Variants in TMEM117 observed in about 807,000 individuals in gnomAD.
TMEM117 encodes the protein transmembrane protein 117.
TMEM117 carries 27 observed loss-of-function variants against 52.4 expected under a neutral mutation model. The observed-to-expected ratio is 0.51, with a 90% CI of 0.38 to 0.71. TMEM117 has a LOEUF of 0.71. TMEM117 is among the 30% of genes least tolerant of loss of function. The pLI, the probability that TMEM117 is intolerant of heterozygous loss-of-function variation, is 0.00. For missense variants in TMEM117, 556 were observed against 630.5 expected (o/e 0.88, Z 1.26); for synonymous variants, 215 against 206.3 (o/e 1.04, Z -0.36).
chr12:44,302,118 C>T (rs1341295398), intron 6 of TMEM117, among the ~76,000 whole-genome samples: 4 of 152,194 alleles, frequency 2.6e-5, no homozygotes, highest in Non-Finnish European at 5.9e-5. Context: ...CTTGACTCCC[C>T]TCTATACTAT....
chr12:43,806,213 G>C, the TMEM117 span: 1 of 1,540,190 alleles, frequency 6.5e-7, no homozygotes, highest in African/African-American at 1.4e-5. Flanking sequence ...CGCGCCGGGC[G>C]CTGTTACCTT....
the TMEM117 span, among the ~76,000 whole-genome samples, chr12:43,830,688 T>C: frequency 6.6e-6 from 1 of 151,272 alleles, no homozygotes; most frequent in Non-Finnish European, 1.5e-5. Flanking sequence ...CAAGGCTAGG[T>C]GAACCAGTTC....
chr12:44,330,013 T>G (rs971179781), intron 6 of TMEM117, among the ~76,000 whole-genome samples: 1 of 151,390 alleles, frequency 6.6e-6, no homozygotes, highest in Non-Finnish European at 1.5e-5. Context: ...CTTTCAGGGG[T>G]TTTTTTGGAA....
At chr12:44,073,050 A>G (rs573278345) in intron 3 of TMEM117, among the ~76,000 whole-genome samples, 4 of 152,058 alleles carry the variant, frequency 2.6e-5, no homozygotes, top group Middle Eastern at 3.4e-3. Context: ...AGGTCGTACT[A>G]CTGCACTCCA....
intron 3 of TMEM117, among the ~76,000 whole-genome samples, chr12:44,086,032 G>T (rs559722840): frequency 1.3e-5 from 2 of 152,036 alleles, no homozygotes; most frequent in East Asian, 3.9e-4. Context: ...CTTTACCAAG[G>T]TTTCTTGCTA....
At chr12:43,937,906 A>G (rs764412018) in intron 2 of TMEM117, among the ~76,000 whole-genome samples, 24 of 152,180 alleles carry the variant, frequency 1.6e-4, no homozygotes, top group Non-Finnish European at 3.4e-4. Flanking sequence ...TTTGGGTCTC[A>G]GTGTTATAGA....
chr12:44,371,643 C>T (rs1301597413), intron 6 of TMEM117, among the ~76,000 whole-genome samples: 1 of 152,100 alleles, frequency 6.6e-6, no homozygotes, highest in African/African-American at 2.4e-5. Flanking sequence ...AATTGAATGC[C>T]AGTCAGGGAA....
rs748259406 is a variant in TMEM117 at position 43,983,547 on chromosome 12, CGTGTGTGTGTGTGTGTGT to C, written c.410+39234_410+39251del. The stretch of plus-strand genomic sequence containing the variant: ...AAACTGCAATTACTTTTGCACCAAC[CGTGTGTGTGTGTGTGTGT>C]GTGTGTGTGTGTGTGTGTGTGTGTG... On this transcript the variant is annotated intron_variant, in intron 3 of 7. Coordinates refer to ENST00000266534, the MANE Select transcript of TMEM117 (RefSeq NM_032256.3). Among the ~76,000 whole-genome samples, 25 of 110,728 alleles carry C rather than the reference CGTGTGTGTGTGTGTGTGT, an allele frequency of 2.3e-4. 1 individual carries two copies. The highest frequency in any genetic ancestry group is 4.5e-4 in the South Asian group (1 of 2,198). 72.6% of individuals were successfully genotyped at this position (110,728 alleles called of 152,430 possible). A position where few individuals can be genotyped will look rare whatever the true frequency, so the allele number is the denominator to read the frequency against.
chr12:43,956,831 C>T (rs895563681), intron 3 of TMEM117, among the ~76,000 whole-genome samples: 5 of 152,124 alleles, frequency 3.3e-5, no homozygotes, highest in African/African-American at 1.2e-4. Flanking sequence ...ATAAATCATT[C>T]TATTATAAAG....
chr12:44,017,690 C>T (rs538548520), intron 3 of TMEM117, among the ~76,000 whole-genome samples: 1 of 152,242 alleles, frequency 6.6e-6, no homozygotes, highest in Non-Finnish European at 1.5e-5. Flanking sequence ...GGATATTAGA[C>T]ACTATGTTAC....
chr12:43,819,464 C>A, the TMEM117 span, among the ~76,000 whole-genome samples: 2 of 152,024 alleles, frequency 1.3e-5, no homozygotes, highest in African/African-American at 2.4e-5. Flanking sequence ...TTATAGTACC[C>A]ATGACTGGGT....
At chr12:43,797,011 C>A in the TMEM117 span, 1 of 1,611,384 alleles carries the variant, frequency 6.2e-7, no homozygotes, top group Non-Finnish European at 8.5e-7. Flanking sequence ...TGTCTTTCTA[C>A]AATTTCTAGC....
chr12:44,033,732 T>G (rs972865767), intron 3 of TMEM117, among the ~76,000 whole-genome samples: 2 of 152,232 alleles, frequency 1.3e-5, no homozygotes, highest in African/African-American at 4.8e-5. Context: ...AAGCACATTT[T>G]GACATCATCT....
intron 5 of TMEM117, among the ~76,000 whole-genome samples, chr12:44,214,501 A>G (rs1949690913): frequency 6.6e-6 from 1 of 152,078 alleles, no homozygotes; most frequent in African/African-American, 2.4e-5. Flanking sequence ...ATGTGATAAC[A>G]TAGCCCAGTG....
At chr12:44,212,871 A>G (rs1949665501) in intron 5 of TMEM117, among the ~76,000 whole-genome samples, 1 of 152,064 alleles carries the variant, frequency 6.6e-6, no homozygotes, top group Non-Finnish European at 1.5e-5. Context: ...ACTCTATGTT[A>G]TCTTTTGTGC....
intron 3 of TMEM117, among the ~76,000 whole-genome samples, chr12:44,120,165 G>A (rs1948210003): frequency 6.6e-6 from 1 of 151,920 alleles, no homozygotes; most frequent in Admixed American, 6.6e-5. Context: ...GGAAATGACA[G>A]AAGAAAGGGG....
At chr12:44,397,844 A>G in the TMEM117 span, among the ~76,000 whole-genome samples, 1 of 152,144 alleles carries the variant, frequency 6.6e-6, no homozygotes, top group Non-Finnish European at 1.5e-5. Flanking sequence ...ATAAGTATCC[A>G]TCCAAGCCAG....
chr12:44,024,105 A>C (rs541381113), intron 3 of TMEM117, among the ~76,000 whole-genome samples: 1 of 152,182 alleles, frequency 6.6e-6, no homozygotes, highest in Non-Finnish European at 1.5e-5. Flanking sequence ...AGAAAAGACA[A>C]TGAACTGTAG....
chr12:43,895,744 C>T (rs191941632), intron 2 of TMEM117, among the ~76,000 whole-genome samples: 9 of 152,276 alleles, frequency 5.9e-5, no homozygotes, highest in African/African-American at 1.2e-4. Flanking sequence ...AGTGATATTC[C>T]GTACACCATG....
Sources: gnomAD v4.1 joint callset for allele counts (sites outside exome capture counted in the v4.1 genomes callset) on GRCh38, gnomAD v4.1.1 for gene constraint, MANE v1.5 for transcripts, NCBI Gene and HGNC (gene_info 2026-07-23, HGNC 2026-07-21) for gene names.